The following MGAT5 variants were observed in gnomAD, a reference collection of about 807,000 sequenced individuals.
MGAT5 encodes alpha-1,6-mannosylglycoprotein 6-beta-N-acetylglucosaminyltransferase, also known as alpha-1,6-mannosylglycoprotein 6-beta-N-acetylglucosaminyltransferase A.
A neutral mutation model predicts 94.3 loss-of-function variants in MGAT5; 30 were observed. That is an observed-to-expected ratio of 0.32 (90% CI 0.24 to 0.43). MGAT5 has a LOEUF of 0.43. MGAT5 is among the 20% of genes least tolerant of loss of function. The pLI, the probability that MGAT5 is intolerant of heterozygous loss-of-function variation, is 1.00. For synonymous variants in MGAT5, 310 were observed against 322.9 expected, an observed-to-expected ratio of 0.96 and a Z score of 0.43; for missense variants, 691 against 905.5, an observed-to-expected ratio of 0.76 and a Z score of 3.04.
At chr2:134,348,292 C>T (rs1689035096) in intron 8 of MGAT5, among the ~76,000 whole-genome samples, 1 of 152,148 alleles carries the variant, frequency 6.6e-6, no homozygotes, top group African/African-American at 2.4e-5. Context: ...AATGACATAT[C>T]TTTGATGATA....
chr2:134,433,631 G>T (rs1204188993), intron 14 of MGAT5, among the ~76,000 whole-genome samples: 1 of 152,204 alleles, frequency 6.6e-6, no homozygotes. Context: ...TTAAGGGAAA[G>T]CACACGCCGA....
chr2:134,435,051 C>T lies in MGAT5; in HGVS notation c.1869+6612C>T, dbSNP rs551622172. On this transcript the variant is annotated intron_variant, in intron 14 of 15. Coordinates refer to ENST00000281923, the MANE Select transcript of MGAT5 (RefSeq NM_002410.5). ...CTCAGGGTCTCAGTCCCGTATCTCT[C>T]TCCTGTGCTGTTGCGGCAGCTTCCT... Among the ~76,000 whole-genome samples the T allele has an allele frequency of 2.7e-3, 405 of 152,258 alleles. 1 individual carries two copies. Among genetic ancestry groups the T allele is most frequent in the African/African-American group, 9.2e-3 (383 of 41,530 alleles).
intron 1 of MGAT5, among the ~76,000 whole-genome samples, chr2:134,122,549 G>A (rs947605829): frequency 1.3e-5 from 2 of 152,198 alleles, no homozygotes; most frequent in East Asian, 3.9e-4. Flanking sequence ...GAAAAGCAAG[G>A]TGATGGAGGA....
At chr2:134,410,531 T>G (rs1683588822) in intron 11 of MGAT5, among the ~76,000 whole-genome samples, 2 of 152,234 alleles carry the variant, frequency 1.3e-5, no homozygotes, top group African/African-American at 4.8e-5. Flanking sequence ...GTTTTTATTT[T>G]ATGTGTACTG....
chr2:134,251,514 T>G (rs553203724), upstream of MGAT5, among the ~76,000 whole-genome samples: 7 of 152,274 alleles, frequency 4.6e-5, no homozygotes, highest in Admixed American at 6.5e-5. Flanking sequence ...GGTGTGTGTG[T>G]GGGGAGGGGC....
At chr2:134,335,523 T>G (rs529683034) in intron 4 of MGAT5, among the ~76,000 whole-genome samples, 1 of 152,248 alleles carries the variant, frequency 6.6e-6, no homozygotes, top group Admixed American at 6.5e-5. Flanking sequence ...TTCCTTTCTC[T>G]TTCCTCCTCC....
intron 1 of MGAT5, among the ~76,000 whole-genome samples, chr2:134,191,168 A>G (rs1305946486): frequency 6.6e-6 from 1 of 152,182 alleles, no homozygotes; most frequent in East Asian, 1.9e-4. Flanking sequence ...TGTGATTTTT[A>G]TTAGTAATAG....
intron 2 of MGAT5, among the ~76,000 whole-genome samples, chr2:134,301,297 T>C (rs936929958): frequency 4.6e-5 from 7 of 152,194 alleles, no homozygotes; most frequent in African/African-American, 1.7e-4. Context: ...GTGAGTCATT[T>C]CCAGTTGTGA....
At position 134,276,893 on chromosome 2, in the gene MGAT5, C is replaced by T. The variant is rs113758348; in HGVS notation, c.406+6343C>T. 1.4e-3 allele frequency among the ~76,000 whole-genome samples: 214 copies of T among 152,186 alleles called. 4 individuals are homozygous for T. The highest frequency in any genetic ancestry group is 6.8e-3 in the Middle Eastern group (2 of 294). ...GGGTGAAGCTGGTGTTATGGGGACA[C>T]GGACAGACCGTGGGACAGGGCAAGG... On this transcript the variant is annotated intron_variant, in intron 2 of 15. Transcript: ENST00000281923.
At chr2:134,365,015 G>A (rs1680336638) in intron 10 of MGAT5, among the ~76,000 whole-genome samples, 1 of 152,080 alleles carries the variant, frequency 6.6e-6, no homozygotes, top group Admixed American at 6.6e-5. Flanking sequence ...TCTTGTTCTT[G>A]TGTCCCATTC....
intron 1 of MGAT5, among the ~76,000 whole-genome samples, chr2:134,127,486 G>T (rs866132093): frequency 1.8e-4 from 26 of 147,654 alleles, no homozygotes; most frequent in African/African-American, 5.8e-4. Flanking sequence ...CTCCTTCAAG[G>T]AAAAGGTTTC....
intron 10 of MGAT5, among the ~76,000 whole-genome samples, chr2:134,365,247 C>T (rs1376469268): frequency 2.0e-5 from 3 of 152,202 alleles, no homozygotes; most frequent in Non-Finnish European, 4.4e-5. Context: ...CACCACCCTC[C>T]TTCTTGAGGG....
At chr2:134,177,285 C>G (rs1573799354) in intron 1 of MGAT5, among the ~76,000 whole-genome samples, 1 of 152,182 alleles carries the variant, frequency 6.6e-6, no homozygotes, top group East Asian at 1.9e-4. Flanking sequence ...TCTGTAGCAA[C>G]CCAGGCTTTA....
intron 1 of MGAT5, among the ~76,000 whole-genome samples, chr2:134,128,210 G>GAA (rs60527385): frequency 1.2e-5 from 1 of 82,708 alleles, no homozygotes. Flanking sequence ...CCTCTACAAA[G>GAA]AAAAAAAAAA....
chr2:134,409,244 TAATC>T (rs1334828085), intron 11 of MGAT5, among the ~76,000 whole-genome samples: 2 of 152,252 alleles, frequency 1.3e-5, no homozygotes. Flanking sequence ...CTATCTCATG[TAATC>T]CTCACAGCAA....
chr2:134,441,602 G>C (rs566501219), intron 14 of MGAT5, among the ~76,000 whole-genome samples, 156 bp from the exon 15 acceptor site: 134 of 152,280 alleles, frequency 8.8e-4, no homozygotes, highest in Non-Finnish European at 1.6e-3. Context: ...GCATATTCCA[G>C]CTGAGCCCCA....
At chr2:134,197,836 C>A (rs1679573583) in intron 1 of MGAT5, among the ~76,000 whole-genome samples, 2 of 152,024 alleles carry the variant, frequency 1.3e-5, no homozygotes, top group African/African-American at 2.4e-5. Context: ...CCTTTGTATG[C>A]CCTGAAATAA....
At chr2:134,220,438 A>G (rs991298638) in intron 1 of MGAT5, among the ~76,000 whole-genome samples, 2 of 152,146 alleles carry the variant, frequency 1.3e-5, no homozygotes, top group African/African-American at 4.8e-5. Flanking sequence ...GGATGGCCCA[A>G]TAATAGTTGT....
intron 12 of MGAT5, among the ~76,000 whole-genome samples, chr2:134,419,378 G>A (rs1354470559): frequency 1.3e-5 from 2 of 151,360 alleles, no homozygotes; most frequent in Non-Finnish European, 2.9e-5. Flanking sequence ...GGAAACATAT[G>A]AGTAGGTTCT....
Sources: gnomAD v4.1 joint callset for allele counts (sites outside exome capture counted in the v4.1 genomes callset) on GRCh38, gnomAD v4.1.1 for gene constraint, MANE v1.5 for transcripts, NCBI Gene and HGNC (gene_info 2026-07-23, HGNC 2026-07-21) for gene names.